PTPRB: variants seen among roughly 807,000 people sequenced by gnomAD.
The protein encoded by PTPRB is protein tyrosine phosphatase receptor type B.
Under a neutral mutation model 238.1 loss-of-function variants are expected in PTPRB, and 97 were observed. The observed-to-expected ratio is 0.41, with a 90% confidence interval of 0.35 to 0.48. The LOEUF is 0.48. Among genes scored for constraint, PTPRB ranks in the 20% least tolerant of loss-of-function variants. The probability of loss-of-function intolerance (pLI) is 0.30; values close to 1 mark genes in which losing one functional copy is unlikely to be tolerated. For missense variants in PTPRB, 2,292 were observed against 2,681.9 expected (o/e 0.85, Z 3.21); for synonymous variants, 970 against 995.4 (o/e 0.97, Z 0.48).
intron 11 of PTPRB, 45 bp from the exon 12 acceptor site, chr12:70,572,132 T>C: frequency 6.6e-7 from 1 of 1,504,024 alleles, no homozygotes; most frequent in Non-Finnish European, 9.1e-7. Context: ...GAATTCTGAG[T>C]GAGTAATTGA....
intron 3 of PTPRB, among the ~76,000 whole-genome samples, chr12:70,613,022 A>G (rs1884528305): frequency 6.6e-6 from 1 of 152,206 alleles, no homozygotes; most frequent in Non-Finnish European, 1.5e-5. Flanking sequence ...CATGGCTAAA[A>G]GTATGAATCT....
At chr12:70,550,878 A>G (rs1303471954) in intron 21 of PTPRB, among the ~76,000 whole-genome samples, 1 of 150,100 alleles carries the variant, frequency 6.7e-6, no homozygotes, top group Non-Finnish European at 1.5e-5. Flanking sequence ...GAGCTGAGGA[A>G]TCTCTTGAAT....
At chr12:70,605,100 T>G (rs999875755) in intron 4 of PTPRB, among the ~76,000 whole-genome samples, 1 of 152,156 alleles carries the variant, frequency 6.6e-6, no homozygotes, top group Non-Finnish European at 1.5e-5. Flanking sequence ...TTAAAATCAT[T>G]TGAGAGGTTT....
chr12:70,637,016 G>A (rs1234725617), intron 1 of PTPRB, among the ~76,000 whole-genome samples: 3 of 151,966 alleles, frequency 2.0e-5, no homozygotes, highest in South Asian at 4.2e-4. Flanking sequence ...TAACCGGGTC[G>A]GAAAAAGGCT....
At position 70,572,026 on chromosome 12, in the gene PTPRB, T is replaced by C; in HGVS notation, c.2904A>G (p.Val968=). ...AGTCTCCAGTGGCATGCACCCAGGA[T>C]ACCCTTAAATAGTCACTCCTGGCTG... ...SNSARSDYLR[V]SWVHATGDFD... Residue 968 remains valine (V), a synonymous_variant, in exon 12 of 34, where the codon GTA becomes GTG. Transcript: ENST00000334414. The C allele has an allele frequency of 6.2e-7, 1 of 1,613,686 alleles. No homozygotes were observed. Among genetic ancestry groups the C allele is most frequent in the Non-Finnish European group, 8.5e-7 (1 of 1,179,578 alleles).
Position 70,585,653 on chromosome 12 carries a change from T to A in PTPRB, c.2311+1354A>T, listed in dbSNP as rs571494589. On this transcript the variant is annotated intron_variant, in intron 9 of 33. Transcript: ENST00000334414. ...GATTTTTAAAAATTAATTAATTAAT[T>A]AATTTTATTACACTTTAAGTTCTAG... is the stretch of plus-strand genomic sequence containing the variant. Among the ~76,000 whole-genome samples, 91 of 152,196 alleles carry A rather than the reference T, an allele frequency of 6.0e-4. 1 individual carries two copies. In the Middle Eastern group the frequency reaches 0.01, roughly 17 times the overall value.
intron 10 of PTPRB, among the ~76,000 whole-genome samples, chr12:70,578,121 G>C (rs2195724): frequency 0.48 from 72,614 of 151,948 alleles, 18,470 homozygotes; most frequent in African/African-American, 0.66. Flanking sequence ...ATTTGTTTTT[G>C]CTTTAGGATG....
intron 31 of PTPRB, among the ~76,000 whole-genome samples, chr12:70,533,481 G>C (rs1208835791): frequency 2.0e-5 from 3 of 152,018 alleles, no homozygotes; most frequent in Non-Finnish European, 4.4e-5. Flanking sequence ...AGGCTCGCCA[G>C]AGAGAGAGAG....
intron 28 of PTPRB, chr12:70,537,886 C>T (rs560101018): frequency 1.3e-5 from 4 of 306,720 alleles, no homozygotes; most frequent in Non-Finnish European, 1.2e-5. Flanking sequence ...AGGAAGCTCT[C>T]ATCTTGGTTA....
chr12:70,611,017 T>C (rs188062110), intron 3 of PTPRB, among the ~76,000 whole-genome samples: 73 of 152,308 alleles, frequency 4.8e-4, no homozygotes, highest in Non-Finnish European at 9.3e-4. Flanking sequence ...AGAGCAAAAA[T>C]ATTTAATTGT....
chr12:70,539,774 G>A lies in PTPRB; in HGVS notation c.5696+53C>T, dbSNP rs955964986. 12 of 1,595,872 alleles carry A rather than the reference G, an allele frequency of 7.5e-6. No individual in the cohort carries two copies. In the East Asian group the frequency reaches 1.6e-4, roughly 21 times the overall value. ...AAAGGGAAAGTGCCATAACTATTCT[G>A]ACTCATATTTCAAAGGCAGATAATA... On this transcript the variant is annotated intron_variant, in intron 25 of 33. Transcript: ENST00000334414.
At position 70,569,122 on chromosome 12, in the gene PTPRB, G is replaced by C. The variant is rs1362864219; in HGVS notation, c.3634+553C>G. 2.0e-5 allele frequency among the ~76,000 whole-genome samples: 3 copies of C among 152,038 alleles called. No homozygotes were observed. In the East Asian group the frequency reaches 5.8e-4, roughly 29 times the overall value. On this transcript the variant is annotated intron_variant, in intron 14 of 33. Transcript: ENST00000334414. ...ATTTATTTATTTACTTATTTATTGG[G>C]ACAGGGTCTCACTCCGGTTGCCCAG...
chr12:70,544,725 G>A (rs575556742), intron 21 of PTPRB, 62 bp from the exon 22 acceptor site: 1 of 1,165,460 alleles, frequency 8.6e-7, no homozygotes, highest in Non-Finnish European at 1.2e-6. Context: ...GCTGAAAAAT[G>A]TGTTCAAGGA....
At chr12:70,542,936 A>G (rs574622126) in intron 22 of PTPRB, 1 of 151,590 alleles carries the variant, frequency 6.6e-6, no homozygotes, top group East Asian at 1.9e-4. Flanking sequence ...CACTATATAT[A>G]TAGTGTAATT....
At position 70,538,201 on chromosome 12, in the gene PTPRB, A is replaced by G; in HGVS notation, c.5900T>C (p.Val1967Ala). The change falls in exon 28 of 34, where the codon GTA becomes GCA. Residue 1967 changes from valine to alanine, a missense_variant. By Grantham distance (64) the Val-to-Ala change is moderately conservative (BLOSUM62 0). Around this residue, in one of 4 missense-constraint regions of PTPRB, gnomAD observed 397 missense variants for 502.0 expected, o/e 0.79. Coordinates refer to ENST00000334414, the MANE Select transcript of PTPRB (RefSeq NM_001109754.4). ...GTAGTCAGAGCAAGGATCATCATCT[A>G]CATTGGAGAGCTTCACTCGCGTGGC... ...YDATRVKLSN[V>A]DDDPCSDYIN... 1 of 1,613,742 alleles carries G rather than the reference A, an allele frequency of 6.2e-7. No individual in the cohort carries two copies. Among genetic ancestry groups the G allele is most frequent in the Non-Finnish European group, 8.5e-7 (1 of 1,179,804 alleles).
At chr12:70,555,093 A>T (rs896576336) in intron 20 of PTPRB, 67 bp downstream of exon 20, 24 of 1,517,122 alleles carry the variant, frequency 1.6e-5, no homozygotes, top group Non-Finnish European at 2.0e-5. Context: ...TCACAGAAAG[A>T]TCTCCCACAT....
Position 70,614,279 on chromosome 12 carries a change from A to G in PTPRB, c.709-4940T>C, listed in dbSNP as rs190635853. The stretch of plus-strand genomic sequence containing the variant: ...TGAACAAAGTCTCAGATTATACCCT[A>G]AACCCTGTACTTGATATCATTTTAC... On this transcript the variant is annotated intron_variant, in intron 3 of 33. Transcript: ENST00000334414. Among the ~76,000 whole-genome samples the G allele has an allele frequency of 2.4e-3, 370 of 152,296 alleles. 3 individuals carry two copies. Among genetic ancestry groups the G allele is most frequent in the African/African-American group, 8.7e-3 (360 of 41,570 alleles).
Position 70,532,072 on chromosome 12 carries a change from T to A in PTPRB, c.6467A>T (p.Asp2156Val). 6.2e-7 allele frequency: 1 copy of A among 1,613,966 alleles called. No homozygotes were observed. The highest frequency in any genetic ancestry group is 8.5e-7 in the Non-Finnish European group (1 of 1,179,894). Residue 2156 changes from aspartate to valine, a missense_variant, in exon 32 of 34, where the codon GAC becomes GTC. Around this residue, in one of 4 missense-constraint regions of PTPRB, gnomAD observed 397 missense variants for 502.0 expected, o/e 0.79. Transcript: ENST00000334414. Reference protein sequence around the residue: ...DSVDIYGAVHDLRLHRVHMVQ... With the variant: ...DSVDIYGAVHVLRLHRVHMVQ... ...CATGTGAACCCTGTGAAGTCTTAGGTCGTGCACTGCTCCATAAATGTCCAC... is the reference window on the plus strand; with the variant it reads ...CATGTGAACCCTGTGAAGTCTTAGGACGTGCACTGCTCCATAAATGTCCAC...
At chr12:70,541,304 A>G (rs1238570954) in intron 22 of PTPRB, 4 of 178,584 alleles carry the variant, frequency 2.2e-5, no homozygotes, top group Non-Finnish European at 4.7e-5. Context: ...ATGCCATTTC[A>G]TTTATATAAA....
Sources: gnomAD v4.1 joint callset for allele counts (sites outside exome capture counted in the v4.1 genomes callset) on GRCh38, gnomAD v4.1.1 for gene constraint, gnomAD v4.1.1 regional missense constraint, MANE v1.5 for transcripts, NCBI Gene and HGNC (gene_info 2026-07-23, HGNC 2026-07-21) for gene names.